TSC2: variants seen among roughly 807,000 people sequenced by gnomAD.
TSC2 encodes the protein tuberin.
TSC2 carries 29 observed loss-of-function variants against 202.2 expected under a neutral mutation model. The observed-to-expected ratio is 0.14, with a 90% CI of 0.11 to 0.20. TSC2 has a LOEUF of 0.20. TSC2 is among the 10% of genes least tolerant of loss of function. The pLI is 1.00. For missense variants in TSC2, 2,429 were observed against 2,420.0 expected (o/e 1.00, Z -0.08); for synonymous variants, 1,349 against 1,044.0 (o/e 1.29, Z -5.63).
rs117624443 is a variant in TSC2 at position 2,082,573 on chromosome 16, G to A, written c.3883+69G>A. ...CTGCCTCATAGGTGCTGTGCTCGTC[G>A]CCTCATCCGCCCACCCCCATGGTCC... On this transcript the variant is annotated intron_variant, in intron 32 of 41. Coordinates refer to ENST00000219476, the MANE Select transcript of TSC2 (RefSeq NM_000548.5). 224 of 1,545,840 alleles carry A rather than the reference G, an allele frequency of 1.4e-4. No individual in the cohort carries two copies. The Middle Eastern group carries it at 1.7e-3, about 12-fold the overall frequency.
rs956566754 is a variant in TSC2, at chr16:2,079,835, G to A, written c.3397+166G>A. On this transcript the variant is annotated intron_variant, in intron 29 of 41. Transcript: ENST00000219476. This position sits in a 1 kb window ranked among gnomAD's most constrained non-coding sequence, Gnocchi z 4.6. The stretch of plus-strand genomic sequence containing the variant: ...GCCTTCCACAGCTCACCCCAGAGCC[G>A]TGGAGTGGTGGAGTGTGGCCCGCTT... Among the ~76,000 whole-genome samples the A allele has an allele frequency of 4.6e-5, 7 of 152,208 alleles. No individual in the cohort carries two copies. The highest frequency in any genetic ancestry group is 7.4e-5 in the Non-Finnish European group (5 of 68,016).
intron 9 of TSC2, 22 bp from the exon 10 acceptor site, chr16:2,058,725 T>C (rs1160736756): frequency 2.6e-6 from 4 of 1,568,538 alleles, no homozygotes; most frequent in Non-Finnish European, 3.5e-6. Flanking sequence ...TCACATTCCG[T>C]CTCTCTGGGG....
chr16:2,060,852 C>T, intron 11 of TSC2, 39 bp downstream of exon 11: 2 of 1,610,028 alleles, frequency 1.2e-6, no homozygotes, highest in Non-Finnish European at 1.7e-6. Context: ...CACCGGGAAC[C>T]CAGACAGGCA....
intron 3 of TSC2, 112 bp downstream of exon 3, chr16:2,050,598 CTTTTTT>C (rs554452830): frequency 9.2e-5 from 44 of 476,880 alleles, no homozygotes; most frequent in Admixed American, 1.7e-4. Context: ...CTGGTTTGCA[CTTTTTT>C]TTTTTTTTTT....
Position 2,079,795 on chromosome 16 carries a change from C to T in TSC2, c.3397+126C>T, listed in dbSNP as rs115243225. The T allele has an allele frequency of 0.012, 11,290 of 948,784 alleles. 880 individuals are homozygous for T. In the African/African-American group the frequency reaches 0.16, roughly 14 times the overall value. 58.8% of individuals were successfully genotyped at this position (948,784 alleles called of 1,614,324 possible). A position where few individuals can be genotyped will look rare whatever the true frequency, so the allele number is the denominator to read the frequency against. ...GCTGGCTTCAGGCCCGGCCCACGTCCTGACTCTGGGGTGAGCCTTCCACAG... is the reference window on the plus strand; with the variant it reads ...GCTGGCTTCAGGCCCGGCCCACGTCTTGACTCTGGGGTGAGCCTTCCACAG... On this transcript the variant is annotated intron_variant, in intron 29 of 41. Transcript: ENST00000219476. This position sits in a 1 kb window ranked among gnomAD's most constrained non-coding sequence, Gnocchi z 4.6.
rs200577441 is a variant in TSC2 at position 2,081,787 on chromosome 16, G to A, written c.3803G>A (p.Arg1268His). The A allele has an allele frequency of 5.2e-5, 84 of 1,612,362 alleles. 2 individuals carry two copies. The highest frequency in any genetic ancestry group is 4.5e-4 in the East Asian group (20 of 44,886). Residue 1268 changes from arginine (R) to histidine (H), a missense_variant, in exon 31 of 42, where the codon CGC (arginine) becomes CAC (histidine). Arg to His is a conservative substitution (Grantham distance 29). Transcript: ENST00000219476. ...ACGGCCAAACCCCCTCCTCTGCCTC[G>A]CTCCAACACAGGTGAGTGGCATGGC... ...ASTAKPPPLP[R>H]SNTVASFSSL...
rs397515077 is a variant in TSC2, at chr16:2,075,885, C to G, written c.2632C>G (p.Pro878Ala). 1.2e-6 allele frequency: 2 copies of G among 1,613,220 alleles called. No homozygotes were observed. Among genetic ancestry groups the G allele is most frequent in the Non-Finnish European group, 1.7e-6 (2 of 1,180,000 alleles). The stretch of plus-strand genomic sequence containing the variant: ...CGCCATCTCCCTGCCGTACACCAAC[C>G]CCTCCAAGTGAGTGGTCGCCCCAGG... ...VFAISLPYTNPSKFNQYIVCL... is the reference protein window; with the variant it reads ...VFAISLPYTNASKFNQYIVCL... Residue 878 changes from proline (P) to alanine (A), a missense_variant, in exon 23 of 42, where the codon CCC becomes GCC. Physicochemically the swap from Pro to Ala is conservative, Grantham distance 27. Coordinates refer to ENST00000219476, the MANE Select transcript of TSC2 (RefSeq NM_000548.5).
chr16:2,074,179 G>A (rs1420030494), intron 21 of TSC2, 21 bp from the exon 22 acceptor site: 21 of 1,610,120 alleles, frequency 1.3e-5, no homozygotes, highest in Non-Finnish European at 1.7e-5. Flanking sequence ...GGTGGGGCCT[G>A]AGGTGTCCTG....
Position 2,088,221 on chromosome 16 carries a change from C to T in TSC2, c.5161-6C>T, listed in dbSNP as rs1475029652. On this transcript the variant is annotated splice_region_variant and splice_polypyrimidine_tract_variant and intron_variant, in intron 40 of 41. Coordinates refer to ENST00000219476, the MANE Select transcript of TSC2 (RefSeq NM_000548.5). ...TAGTGAGCTCACCCCCTGCCTACGTCCCCAGATGGCCTCACAGGTGCATCA... is the reference window on the plus strand; with the variant it reads ...TAGTGAGCTCACCCCCTGCCTACGTTCCCAGATGGCCTCACAGGTGCATCA... 2.2e-5 allele frequency: 36 copies of T among 1,612,994 alleles called. No individual in the cohort carries two copies. Among genetic ancestry groups the T allele is most frequent in the Non-Finnish European group, 3.1e-5 (36 of 1,179,984 alleles).
At chr16:2,057,295 G>GGAACAGC in intron 9 of TSC2, 117 bp downstream of exon 9, 1 of 1,242,864 alleles carries the variant, frequency 8.0e-7, no homozygotes, top group Non-Finnish European at 1.1e-6. Context: ...TCGGGCAGCT[G>GGAACAGC]TTCCAGAGGC....
In TSC2 at chr16:2,062,480, G is replaced by C. The variant is rs752327718; in HGVS notation, c.1258-17G>C. On this transcript the variant is annotated splice_polypyrimidine_tract_variant and intron_variant, in intron 12 of 41. Coordinates refer to ENST00000219476, the MANE Select transcript of TSC2 (RefSeq NM_000548.5). ...GCCGGAGGGGCAGAGGGGCAACACCGGCTCTTCTTTTGACAGGAGTCCTCC... is the reference window on the plus strand; with the variant it reads ...GCCGGAGGGGCAGAGGGGCAACACCCGCTCTTCTTTTGACAGGAGTCCTCC... The C allele has an allele frequency of 6.3e-7, 1 of 1,599,620 alleles. No individual in the cohort carries two copies. Among genetic ancestry groups the C allele is most frequent in the African/African-American group, 1.3e-5 (1 of 74,842 alleles).
intron 10 of TSC2, 92 bp from the exon 11 acceptor site, chr16:2,060,578 C>A: frequency 6.2e-7 from 1 of 1,601,988 alleles, no homozygotes; most frequent in South Asian, 1.1e-5. Flanking sequence ...CGCGCTCAGG[C>A]GTGCTACTCT....
chr16:2,086,647 G>C, intron 37 of TSC2, 85 bp from the exon 38 acceptor site: 4 of 1,587,022 alleles, frequency 2.5e-6, no homozygotes, highest in Non-Finnish European at 3.4e-6. Flanking sequence ...CAGAGCCCCT[G>C]GAGTAATCAG....
At position 2,083,768 on chromosome 16, in the gene TSC2, C is replaced by A. The variant is rs757244510; in HGVS notation, c.3957C>A (p.Asp1319Glu). Residue 1319 changes from aspartate (D) to glutamate (E), a missense_variant, in exon 33 of 42, where the codon GAC becomes GAA. Physicochemically the swap from Asp to Glu is conservative, Grantham distance 45. Transcript: ENST00000219476. ...PVLVEPPGLE[D>E]VEAALGMDRR... ...TGGTGGAGCCCCCAGGGTTGGAGGA[C>A]GTTGAGGCAGCGCTAGGCATGGACA... 1.2e-6 allele frequency: 2 copies of A among 1,610,874 alleles called. No individual in the cohort carries two copies. Among genetic ancestry groups the A allele is most frequent in the Non-Finnish European group, 1.7e-6 (2 of 1,179,356 alleles).
intron 38 of TSC2, among the ~76,000 whole-genome samples, 165 bp from the exon 39 acceptor site, chr16:2,087,698 C>G (rs961251986): frequency 6.6e-6 from 1 of 152,174 alleles, no homozygotes; most frequent in African/African-American, 2.4e-5. Context: ...GGGGCTTGGC[C>G]TGGGGGAGGC....
At position 2,076,488 on chromosome 16, in the gene TSC2, C is replaced by T; in HGVS notation, c.2743-3C>T. The T allele has an allele frequency of 6.2e-7, 1 of 1,613,352 alleles. No individual in the cohort carries two copies. Among genetic ancestry groups the T allele is most frequent in the Non-Finnish European group, 8.5e-7 (1 of 1,179,982 alleles). On this transcript the variant is annotated splice_polypyrimidine_tract_variant and splice_region_variant and intron_variant, in intron 24 of 41. Coordinates refer to ENST00000219476, the MANE Select transcript of TSC2 (RefSeq NM_000548.5). ...CACTGTCTGGGTGTGCTCACTCTGC[C>T]AGGGCCTGCGGTCCAATGTCCTCTT...
At chr16:2,059,692 T>C (rs969468606) in intron 10 of TSC2, among the ~76,000 whole-genome samples, 3 of 152,066 alleles carry the variant, frequency 2.0e-5, no homozygotes, top group Non-Finnish European at 4.4e-5. Flanking sequence ...GCTAATTTTT[T>C]ATTTTTAGTA....
chr16:2,064,127 G>T, intron 14 of TSC2, 145 bp from the exon 15 acceptor site: 1 of 1,321,878 alleles, frequency 7.6e-7, no homozygotes, highest in East Asian at 2.3e-5. Context: ...CGCGCTCAGC[G>T]GGTGCTTGTG....
At chr16:2,087,997 C>T (rs937106455) in intron 39 of TSC2, 51 bp from the exon 40 acceptor site, 2 of 1,612,782 alleles carry the variant, frequency 1.2e-6, no homozygotes, top group Non-Finnish European at 1.7e-6. Context: ...TGGGGCCCTG[C>T]AGTGTGGCGC....
Sources: gnomAD v4.1 joint callset for allele counts (sites outside exome capture counted in the v4.1 genomes callset) on GRCh38, gnomAD v4.1.1 for gene constraint, Gnocchi (gnomAD v3.1) non-coding constraint, MANE v1.5 for transcripts, NCBI Gene and HGNC (gene_info 2026-07-23, HGNC 2026-07-21) for gene names.